The following SMCHD1 variants were observed in gnomAD, a reference collection of about 807,000 sequenced individuals.
The protein encoded by SMCHD1 is structural maintenance of chromosomes flexible hinge domain-containing protein 1.
In SMCHD1, 78 loss-of-function variants were observed where a neutral mutation model predicts 254.7. The ratio of observed to expected loss-of-function variants is 0.31; its 90% CI spans 0.26 to 0.37. The LOEUF (loss-of-function observed/expected upper bound fraction) is 0.37. SMCHD1 is among the 10% of genes least tolerant of loss of function. SMCHD1 has a pLI of 1.00. For synonymous variants in SMCHD1, 766 were observed against 794.9 expected (o/e 0.96, Z 0.61); for missense variants, 1,840 against 2,408.1 (o/e 0.76, Z 4.94).
At chr18:2,656,818 G>A (rs1212236939) in intron 1 of SMCHD1, among the ~76,000 whole-genome samples, 1 of 152,180 alleles carries the variant, frequency 6.6e-6, no homozygotes, top group East Asian at 1.9e-4. Flanking sequence ...CCTTCCGCAC[G>A]GAGACACTTG....
chr18:2,706,707 T>C, intron 15 of SMCHD1: 1 of 374,856 alleles, frequency 2.7e-6, no homozygotes, highest in Non-Finnish European at 4.9e-6. Flanking sequence ...GTCACTTTTA[T>C]AGGCACTATG....
chr18:2,714,082 G>A (rs1258737556), intron 17 of SMCHD1, among the ~76,000 whole-genome samples: 2 of 152,172 alleles, frequency 1.3e-5, no homozygotes, highest in African/African-American at 4.8e-5. Flanking sequence ...TCCATCTAGT[G>A]CTATCAGTAG....
At chr18:2,694,077 T>C (rs949370850) in intron 7 of SMCHD1, among the ~76,000 whole-genome samples, 6 of 152,184 alleles carry the variant, frequency 3.9e-5, no homozygotes, top group South Asian at 2.1e-4. Context: ...TTAAGCACTA[T>C]GTGTTTGGGC....
In SMCHD1 at chr18:2,719,161, A is replaced by C. The variant is rs185542726; in HGVS notation, c.2458+727A>C. 9.3e-5 allele frequency among the ~76,000 whole-genome samples: 14 copies of C among 150,584 alleles called. No homozygotes were observed. The East Asian group carries it at 2.1e-3, about 23-fold the overall frequency. On this transcript the variant is annotated intron_variant, in intron 19 of 47. Coordinates refer to ENST00000320876, the MANE Select transcript of SMCHD1 (RefSeq NM_015295.3). ...GGAAATCCCTGTTTTATTTTCTAGG[A>C]ATTTTTCTTGAATCACTTTGATTTT...
rs2075566057 is a variant in SMCHD1, at chr18:2,751,307, G to A, written c.4195G>A (p.Asp1399Asn). Residue 1399 changes from aspartate to asparagine, a missense_variant, in exon 33 of 48, where the codon GAC (aspartate) becomes AAC (asparagine). Transcript: ENST00000320876. ...DFMISVISED[D>N]SIIKNINPAR... is the part of the protein sequence containing the mutation. ...TATGATTAGTGTTATTTCTGAAGAT[G>A]ACAGTATCATTAAAAACATTAATCC... The A allele has an allele frequency of 6.4e-7, 1 of 1,574,400 alleles. No individual in the cohort carries two copies. The highest frequency in any genetic ancestry group is 8.6e-7 in the Non-Finnish European group (1 of 1,164,922).
At chr18:2,750,219 G>A in intron 31 of SMCHD1, 97 bp downstream of exon 31, 1 of 1,417,306 alleles carries the variant, frequency 7.1e-7, no homozygotes, top group South Asian at 1.3e-5. Context: ...TCTGTTTAAT[G>A]TTAGGCAAGA....
chr18:2,731,452 C>G (rs1385727970), intron 24 of SMCHD1, among the ~76,000 whole-genome samples: 4 of 152,082 alleles, frequency 2.6e-5, no homozygotes, highest in Non-Finnish European at 5.9e-5. Flanking sequence ...AATATGTTGA[C>G]CAGTTGTCTT....
At position 2,738,664 on chromosome 18, in the gene SMCHD1, G is replaced by T. The variant is rs1404737060; in HGVS notation, c.3425+119G>T. On this transcript the variant is annotated intron_variant, in intron 26 of 47. Transcript: ENST00000320876. Reference sequence around the variant, plus strand: ...CGGTTTCTATGAAATATAATAGATTGTCTTTGGAATAAAGTGTCATTGGTG... The same window carrying T: ...CGGTTTCTATGAAATATAATAGATTTTCTTTGGAATAAAGTGTCATTGGTG... The T allele has an allele frequency of 3.3e-6, 3 of 895,884 alleles. No individual in the cohort carries two copies. The African/African-American group carries it at 5.3e-5, about 16-fold the overall frequency. The allele number at this position is 895,884 out of a possible 1,614,324, so 55.5% of individuals were successfully genotyped here. A position where few individuals can be genotyped will look rare whatever the true frequency, so the allele number is the denominator to read the frequency against.
In SMCHD1 at chr18:2,738,280, C is replaced by CT. The variant is rs1491336879; in HGVS notation, c.3277-111dup. ...CACACCGTTTCTGACCATAAAGAGA[C>CT]TTTTTTCTTGGGGGTGAAGAAGACG... On this transcript the variant is annotated intron_variant, in intron 25 of 47. Coordinates refer to ENST00000320876, the MANE Select transcript of SMCHD1 (RefSeq NM_015295.3). The CT allele has an allele frequency of 7.3e-6, 7 of 953,236 alleles. No individual in the cohort carries two copies. The African/African-American group carries it at 8.5e-5, about 12-fold the overall frequency. The allele number at this position is 953,236 out of a possible 1,614,324, so 59.0% of individuals were successfully genotyped here. A position where few individuals can be genotyped will look rare whatever the true frequency, so the allele number is the denominator to read the frequency against.
chr18:2,796,199 C>T (rs2076260929), intron 46 of SMCHD1, 92 bp downstream of exon 46: 2 of 1,179,490 alleles, frequency 1.7e-6, no homozygotes, highest in East Asian at 5.2e-5. Flanking sequence ...AAAAAGAATG[C>T]AAATGATTCA....
intron 19 of SMCHD1, among the ~76,000 whole-genome samples, chr18:2,720,790 AT>A (rs2074909588): frequency 1.3e-5 from 2 of 152,276 alleles, no homozygotes; most frequent in African/African-American, 4.8e-5. Context: ...AATTGATTAG[AT>A]TTTAAAATAC....
chr18:2,760,763 C>T (rs1333150648), intron 35 of SMCHD1, 24 bp downstream of exon 35: 5 of 1,355,948 alleles, frequency 3.7e-6, no homozygotes, highest in Non-Finnish European at 5.2e-6. Context: ...TTTTATATAC[C>T]ACAGTTAGCT....
chr18:2,713,513 G>A (rs1364496688), intron 17 of SMCHD1, among the ~76,000 whole-genome samples: 3 of 145,602 alleles, frequency 2.1e-5, no homozygotes, highest in African/African-American at 7.5e-5. Context: ...GTGAAACCCC[G>A]TCTCTACTAA....
intron 44 of SMCHD1, among the ~76,000 whole-genome samples, chr18:2,782,162 T>TTA: frequency 6.6e-6 from 1 of 152,344 alleles, no homozygotes; most frequent in East Asian, 1.9e-4. Flanking sequence ...GAAAAAGCTC[T>TTA]TATGACATTC....
intron 37 of SMCHD1, among the ~76,000 whole-genome samples, chr18:2,768,604 A>G (rs2075912595): frequency 1.7e-5 from 2 of 116,820 alleles, no homozygotes; most frequent in African/African-American, 5.6e-5. Flanking sequence ...TGAGTAGTAT[A>G]GTATAGTGTA....
At chr18:2,727,055 T>C (rs1306225905) in intron 22 of SMCHD1, 1 of 152,842 alleles carries the variant, frequency 6.5e-6, no homozygotes, top group African/African-American at 2.4e-5. Context: ...CTCAGTTTCT[T>C]CATGTGTAAA....
intron 44 of SMCHD1, among the ~76,000 whole-genome samples, chr18:2,782,409 G>A (rs2076169937): frequency 6.6e-6 from 1 of 152,086 alleles, no homozygotes; most frequent in Non-Finnish European, 1.5e-5. Context: ...TTCTTAACAA[G>A]ATAATAGAAA....
At chr18:2,787,068 C>T (rs868512193) in intron 45 of SMCHD1, among the ~76,000 whole-genome samples, 1 of 152,170 alleles carries the variant, frequency 6.6e-6, no homozygotes, top group Non-Finnish European at 1.5e-5. Context: ...GCATACACTT[C>T]TTCTGGCTGA....
rs766713985 is a variant in SMCHD1 at position 2,740,741 on chromosome 18, G to A, written c.3553G>A (p.Ala1185Thr). 4.3e-6 allele frequency: 7 copies of A among 1,611,068 alleles called. No homozygotes were observed. The highest frequency in any genetic ancestry group is 5.9e-6 in the Non-Finnish European group (7 of 1,178,324). Residue 1185 changes from alanine (A) to threonine (T), a missense_variant, in exon 28 of 48, where the codon GCA becomes ACA. Physicochemically the swap from Ala to Thr is moderately conservative, Grantham distance 58. Transcript: ENST00000320876. ...ITDQYGNQIQ[A>T]FSPSSLSSLS... ...AGATCAGTACGGAAATCAGATTCAA[G>A]CATTTTCACCAAGTTCTTTATCTTC... is the stretch of plus-strand genomic sequence containing the variant.
Sources: allele counts gnomAD v4.1 joint callset (sites outside exome capture counted in the v4.1 genomes callset), GRCh38; gene constraint gnomAD v4.1.1; transcripts MANE v1.5; gene names NCBI Gene and HGNC (gene_info 2026-07-23, HGNC 2026-07-21).